USP12: variants seen among roughly 807,000 people sequenced by gnomAD.
The protein encoded by USP12 is ubiquitin carboxyl-terminal hydrolase 12.
USP12 carries 19 observed loss-of-function variants against 45.5 expected under a neutral mutation model. The observed-to-expected ratio is 0.42, with a 90% confidence interval of 0.29 to 0.61. The LOEUF (loss-of-function observed/expected upper bound fraction) is 0.61. Among genes scored for constraint, USP12 ranks in the 20% least tolerant of loss-of-function variants. USP12 has a pLI of 0.22. For missense variants in USP12, 242 were observed against 447.7 expected, an observed-to-expected ratio of 0.54 and a Z score of 4.15; for synonymous variants, 149 against 148.8, an observed-to-expected ratio of 1.00 and a Z score of -0.01.
chr13:27,093,013 A>G (rs1353547937), intron 4 of USP12, among the ~76,000 whole-genome samples: 1 of 152,154 alleles, frequency 6.6e-6, no homozygotes, highest in Admixed American at 6.5e-5. Context: ...CCTGACCAAC[A>G]TGGAGAAACC....
At chr13:27,114,362 TA>T (rs1565994087) in intron 2 of USP12, among the ~76,000 whole-genome samples, 1 of 152,200 alleles carries the variant, frequency 6.6e-6, no homozygotes, top group Non-Finnish European at 1.5e-5. Context: ...TTTATCAGGT[TA>T]AAACAACTTG....
chr13:27,071,322 G>A (rs1345165356), intron 7 of USP12, among the ~76,000 whole-genome samples, 173 bp from the exon 8 acceptor site: 4 of 152,148 alleles, frequency 2.6e-5, no homozygotes, highest in Admixed American at 1.3e-4. Context: ...ACACTGAGTT[G>A]AACTGGTCAT....
chr13:27,130,166 T>C (rs1192811647), intron 1 of USP12, among the ~76,000 whole-genome samples: 10 of 152,166 alleles, frequency 6.6e-5, no homozygotes, highest in Admixed American at 6.5e-4. Flanking sequence ...GCGGGAACCT[T>C]GCCCTCAACA....
intron 1 of USP12, among the ~76,000 whole-genome samples, chr13:27,144,868 C>T (rs1171563850): frequency 4.7e-5 from 7 of 149,958 alleles, no homozygotes; most frequent in African/African-American, 1.2e-4. Flanking sequence ...GAGACCAGCC[C>T]GGGTAATAGG....
At position 27,075,460 on chromosome 13, in the gene USP12, C is replaced by T. The variant is rs1457064930; in HGVS notation, c.735-72G>A. ...CATGTCCTTGAATTATCAAACTTTA[C>T]GATATCCAATGAACAGATAGACAAT... is the stretch of plus-strand genomic sequence containing the variant. On this transcript the variant is annotated intron_variant, in intron 6 of 8. Transcript: ENST00000282344. The T allele has an allele frequency of 3.0e-5, 41 of 1,352,560 alleles. No homozygotes were observed. In the South Asian group the frequency reaches 3.4e-4, roughly 11 times the overall value. 83.8% of individuals were successfully genotyped at this position (1,352,560 alleles called of 1,614,324 possible).
intron 2 of USP12, among the ~76,000 whole-genome samples, chr13:27,107,081 T>A (rs892551164): frequency 1.3e-5 from 2 of 152,114 alleles, no homozygotes; most frequent in Non-Finnish European, 2.9e-5. Context: ...TCCCAGCACT[T>A]TGGGAGGCCG....
At chr13:27,095,531 C>A in intron 4 of USP12, 70 bp downstream of exon 4, 1 of 1,137,442 alleles carries the variant, frequency 8.8e-7, no homozygotes, top group Non-Finnish European at 1.2e-6. Context: ...TCCATTCTGT[C>A]TTTCTCAAAG....
intron 2 of USP12, among the ~76,000 whole-genome samples, chr13:27,111,960 T>C (rs965829475): frequency 6.6e-6 from 1 of 151,960 alleles, no homozygotes; most frequent in Non-Finnish European, 1.5e-5. Context: ...GGAATGAGAG[T>C]CTCACTACCT....
chr13:27,123,661 A>G (rs1876099418), intron 1 of USP12, among the ~76,000 whole-genome samples: 1 of 152,208 alleles, frequency 6.6e-6, no homozygotes, highest in Non-Finnish European at 1.5e-5. Context: ...ATGATTTTAC[A>G]AAGGGCAGTT....
In USP12 at chr13:27,129,599, C is replaced by T. The variant is rs757333355; in HGVS notation, c.49-13003G>A. On this transcript the variant is annotated intron_variant, in intron 1 of 8. Coordinates refer to ENST00000282344, the MANE Select transcript of USP12 (RefSeq NM_182488.4). This position sits in a 1 kb window ranked among gnomAD's most constrained non-coding sequence, Gnocchi z 4.0. ...GAGCACGCCTGTAGTCCCAGCTGTT[C>T]GGGAGGCTGAGGCAGGAGGATCATT... 3.9e-5 allele frequency among the ~76,000 whole-genome samples: 6 copies of T among 152,038 alleles called. No homozygotes were observed. The highest frequency in any genetic ancestry group is 7.4e-5 in the Non-Finnish European group (5 of 68,004).
intron 4 of USP12, among the ~76,000 whole-genome samples, chr13:27,092,045 T>C (rs1266302979): frequency 1.3e-5 from 2 of 152,180 alleles, no homozygotes; most frequent in Non-Finnish European, 1.5e-5. Context: ...TTCATTACCA[T>C]AGGAGTATCT....
At chr13:27,158,947 G>T (rs533549431) in intron 1 of USP12, among the ~76,000 whole-genome samples, 3 of 152,042 alleles carry the variant, frequency 2.0e-5, no homozygotes, top group Non-Finnish European at 4.4e-5. Context: ...GGGGAGTGGG[G>T]GTGACACACA....
intron 1 of USP12, among the ~76,000 whole-genome samples, chr13:27,135,380 T>C (rs1876755902): frequency 6.6e-6 from 1 of 152,244 alleles, no homozygotes; most frequent in African/African-American, 2.4e-5. Context: ...TAATTATATC[T>C]CAATCCCTAA....
chr13:27,160,162 A>G (rs551294421), intron 1 of USP12, among the ~76,000 whole-genome samples: 1 of 152,346 alleles, frequency 6.6e-6, no homozygotes, highest in Non-Finnish European at 1.5e-5. Context: ...AGAGAACAAA[A>G]AAAGGTGACA....
intron 1 of USP12, among the ~76,000 whole-genome samples, chr13:27,122,937 CA>C (rs1218169158): frequency 6.6e-6 from 1 of 151,092 alleles, no homozygotes; most frequent in Non-Finnish European, 1.5e-5. Flanking sequence ...ACTAAAAATA[CA>C]AAAAAATTAG....
intron 1 of USP12, among the ~76,000 whole-genome samples, chr13:27,131,675 T>A (rs1262508400): frequency 6.6e-6 from 1 of 152,200 alleles, no homozygotes; most frequent in Non-Finnish European, 1.5e-5. Flanking sequence ...CAAATCCCTT[T>A]CATATGCTTT....
In USP12 at chr13:27,165,864, A is replaced by C. The variant is rs1203349219; in HGVS notation, c.48+5728T>G. Among the ~76,000 whole-genome samples, 2 of 152,152 alleles carry C rather than the reference A, an allele frequency of 1.3e-5. 1 individual carries two copies. The highest frequency in any genetic ancestry group is 4.8e-5 in the African/African-American group (2 of 41,450). On this transcript the variant is annotated intron_variant, in intron 1 of 8. Transcript: ENST00000282344. ...AATTATGTCTGATTCTATGCTTTTT[A>C]TGTTATCTAAAACATAATTAGAACT... is the stretch of plus-strand genomic sequence containing the variant.
At chr13:27,151,818 C>T (rs938126242) in intron 1 of USP12, among the ~76,000 whole-genome samples, 1 of 152,066 alleles carries the variant, frequency 6.6e-6, no homozygotes, top group Non-Finnish European at 1.5e-5. Context: ...AATTAAAAGA[C>T]AACTCAAAGA....
intron 1 of USP12, chr13:27,117,637 A>C (rs917054690): frequency 1.1e-5 from 4 of 369,706 alleles, no homozygotes; most frequent in Non-Finnish European, 2.2e-5. Flanking sequence ...GTTTAATAGC[A>C]CACGGAAAGC....
Sources: allele counts gnomAD v4.1 joint callset (sites outside exome capture counted in the v4.1 genomes callset), GRCh38; gene constraint gnomAD v4.1.1; non-coding constraint Gnocchi (gnomAD v3.1); transcripts MANE v1.5; gene names NCBI Gene and HGNC (gene_info 2026-07-23, HGNC 2026-07-21).